The following CELF3 variants were observed in gnomAD, a reference collection of about 807,000 sequenced individuals.
The protein encoded by CELF3 is CAG repeat domain.
In CELF3, 26 loss-of-function variants were observed where a neutral mutation model predicts 59.6. That is an observed-to-expected ratio of 0.44 (90% CI 0.32 to 0.61). The LOEUF (loss-of-function observed/expected upper bound fraction) is 0.61. CELF3 is among the 20% of genes least tolerant of loss of function. CELF3 has a pLI of 0.06. For missense variants in CELF3, 387 were observed against 627.2 expected (o/e 0.62, Z 4.09); for synonymous variants, 245 against 250.7 (o/e 0.98, Z 0.22).
At chr1:151,708,724 C>T (rs922679076) in intron 5 of CELF3, among the ~76,000 whole-genome samples, 8 of 131,254 alleles carry the variant, frequency 6.1e-5, no homozygotes, top group Admixed American at 8.3e-5. Context: ...GGAGAAGAGA[C>T]GGGGGTGAAG....
chr1:151,703,197 G>C lies in CELF3; in HGVS notation c.*262C>G. 2.2e-6 allele frequency: 1 copy of C among 459,404 alleles called. No homozygotes were observed. 28.5% of individuals were successfully genotyped at this position (459,404 alleles called of 1,614,324 possible). ...AAGGCAGATACCCCGGAGCCTTCGA[G>C]CCTGTTCCTCGCTCCCTCACAAAGG... On this transcript the variant is annotated 3_prime_UTR_variant, in exon 13 of 13. Coordinates refer to ENST00000290583, the MANE Select transcript of CELF3 (RefSeq NM_007185.7).
Position 151,707,860 on chromosome 1 carries a change from C to A in CELF3, c.562G>T (p.Ala188Ser). The A allele has an allele frequency of 6.2e-7, 1 of 1,613,926 alleles. No individual in the cohort carries two copies. Among genetic ancestry groups the A allele is most frequent in the South Asian group, 1.1e-5 (1 of 91,066 alleles). ...GGGCTGAACATGCCCAACTGGGTGGCCACCTGCTGCATGCGGCGGAGACCT... is the reference window on the plus strand; with the variant it reads ...GGGCTGAACATGCCCAACTGGGTGGACACCTGCTGCATGCGGCGGAGACCT... ...ERGLRRMQQV[A>S]TQLGMFSPIA... Residue 188 changes from alanine (A) to serine (S), a missense_variant, in exon 6 of 13, where the codon GCC becomes TCC. Physicochemically the swap from Ala to Ser is moderately conservative, Grantham distance 99. Around this residue, in one of 3 missense-constraint regions of CELF3, gnomAD observed 208 missense variants for 354.8 expected, o/e 0.59. Transcript: ENST00000290583.
At chr1:151,703,646 A>G (rs1410088617) in intron 12 of CELF3, among the ~76,000 whole-genome samples, 198 bp from the exon 13 acceptor site, 1 of 152,060 alleles carries the variant, frequency 6.6e-6, no homozygotes, top group Non-Finnish European at 1.5e-5. Flanking sequence ...TAGAGGAGAC[A>G]GGAGGGAGGG....
At position 151,701,342 on chromosome 1, in the gene CELF3, A is replaced by T. The variant is rs189207685; in HGVS notation, c.*2117T>A. Among the ~76,000 whole-genome samples, 5 of 152,306 alleles carry T rather than the reference A, an allele frequency of 3.3e-5. No individual in the cohort carries two copies. In the East Asian group the frequency reaches 7.7e-4, roughly 24 times the overall value. On this transcript the variant is annotated 3_prime_UTR_variant, in exon 13 of 13. Transcript: ENST00000290583. ...TGAAGTCAAAGAAGACACCTGTGTG[A>T]TCCTGAGCCTGCCCTAAAGCAGCTC...
chr1:151,714,776 C>A, intron 1 of CELF3, 100 bp from the exon 2 acceptor site: 1 of 843,988 alleles, frequency 1.2e-6, no homozygotes, highest in Non-Finnish European at 1.9e-6. Flanking sequence ...GGGAAGCTTT[C>A]CCTTCTTGTC....
At chr1:151,714,280 A>G in intron 2 of CELF3, 1 of 568,982 alleles carries the variant, frequency 1.8e-6, no homozygotes, top group Non-Finnish European at 3.1e-6. Flanking sequence ...GTGTCCAGAG[A>G]CTTTTCCCCA....
At chr1:151,711,101 G>A (rs1220432821) in intron 2 of CELF3, 1 of 330,930 alleles carries the variant, frequency 3.0e-6, no homozygotes, top group Non-Finnish European at 6.0e-6. Flanking sequence ...CTGGATTTGA[G>A]GACTAGCCCT....
At chr1:151,713,534 T>G (rs1437276865) in intron 2 of CELF3, 1 of 152,184 alleles carries the variant, frequency 6.6e-6, no homozygotes. Flanking sequence ...TGTTGATTTG[T>G]GAGGGGCCTC....
intron 8 of CELF3, 43 bp from the exon 9 acceptor site, chr1:151,706,777 A>C: frequency 6.9e-7 from 1 of 1,457,758 alleles, no homozygotes; most frequent in Non-Finnish European, 9.3e-7. Flanking sequence ...CCTGGCACAC[A>C]GTGGGGGCCC....
Position 151,709,526 on chromosome 1 carries a change from C to CT in CELF3, c.278-179dup, listed in dbSNP as rs1303342161. 1.0e-6 allele frequency: 1 copy of CT among 991,992 alleles called. No homozygotes were observed. 61.4% of individuals were successfully genotyped at this position (991,992 alleles called of 1,614,324 possible). A position where few individuals can be genotyped will look rare whatever the true frequency, so the allele number is the denominator to read the frequency against. On this transcript the variant is annotated intron_variant, in intron 3 of 12. Coordinates refer to ENST00000290583, the MANE Select transcript of CELF3 (RefSeq NM_007185.7). This position sits in a 1 kb window ranked among gnomAD's most constrained non-coding sequence, Gnocchi z 4.9. ...GTTGCAGAGGGTGCTCATCCCAGCT[C>CT]TGAGGGACTCGCACTCCACCCTGGG...
In CELF3 at chr1:151,707,889, T is replaced by C; in HGVS notation, c.533A>G (p.Glu178Gly). Residue 178 changes from glutamate (E) to glycine (G), a missense_variant, in exon 6 of 13, where the codon GAG (glutamate) becomes GGG (glycine). Glu to Gly is a moderately conservative substitution (Grantham distance 98). This residue lies in a region of CELF3 where 208 missense variants were observed against 354.8 expected (regional missense o/e 0.59). Transcript: ENST00000290583. Reference sequence around the variant, plus strand: ...CTGCTGCATGCGGCGGAGACCTCGCTCCTTCTCAGTGTCAGCAAACTTCAC... The same window carrying C: ...CTGCTGCATGCGGCGGAGACCTCGCCCCTTCTCAGTGTCAGCAAACTTCAC... ...LVVKFADTEK[E>G]RGLRRMQQVA... The C allele has an allele frequency of 6.2e-7, 1 of 1,613,798 alleles. No individual in the cohort carries two copies. Among genetic ancestry groups the C allele is most frequent in the Non-Finnish European group, 8.5e-7 (1 of 1,179,818 alleles).
intron 2 of CELF3, 120 bp downstream of exon 2, chr1:151,714,474 G>T: frequency 1.3e-6 from 1 of 755,216 alleles, no homozygotes; most frequent in African/African-American, 1.7e-5. Context: ...CAGAGAGAGA[G>T]GGGGACTTCC....
rs1210088745 is a variant in CELF3, at chr1:151,700,727, AATCTT to A, written c.*2727_*2731del. 6.6e-6 allele frequency among the ~76,000 whole-genome samples: 1 copy of A among 152,226 alleles called. No individual in the cohort carries two copies. The highest frequency in any genetic ancestry group is 3.2e-3 in the Middle Eastern group (1 of 316). On this transcript the variant is annotated 3_prime_UTR_variant, in exon 13 of 13. Transcript: ENST00000290583. ...GATATGAGAAAGTTTGTGGAAGTGA[AATCTT>A]AAATGATTTAATACCATTGAGTTTA...
At position 151,705,354 on chromosome 1, in the gene CELF3, C is replaced by T. The variant is rs1189537058; in HGVS notation, c.1271-186G>A. Among the ~76,000 whole-genome samples, 12 of 152,202 alleles carry T rather than the reference C, an allele frequency of 7.9e-5. No individual in the cohort carries two copies. Among genetic ancestry groups the T allele is most frequent in the Non-Finnish European group, 1.6e-4 (11 of 68,032 alleles). On this transcript the variant is annotated intron_variant, in intron 11 of 12. Transcript: ENST00000290583. The surrounding 1 kb of genome is among the most constrained non-coding windows in gnomAD (Gnocchi z 5.1). ...ATGGATGAATCCAGTCCAGCCACTC[C>T]AACTACCACATTCTTCCCAGCATTC...
At position 151,702,586 on chromosome 1, in the gene CELF3, T is replaced by C. The variant is rs1672159916; in HGVS notation, c.*873A>G. The C allele has an allele frequency of 9.3e-6, 1 of 107,362 alleles. No individual in the cohort carries two copies. Among genetic ancestry groups the C allele is most frequent in the African/African-American group, 3.8e-5 (1 of 26,484 alleles). 6.7% of individuals were successfully genotyped at this position (107,362 alleles called of 1,614,324 possible). ...CCTCTTCCTAAAGAAAATGATCAGG[T>C]AATAAACCCCTTGACCCCTCCCCAC... is the stretch of plus-strand genomic sequence containing the variant. On this transcript the variant is annotated 3_prime_UTR_variant, in exon 13 of 13. Transcript: ENST00000290583.
chr1:151,715,855 T>G lies in CELF3; in HGVS notation c.145+21A>C, dbSNP rs746905068. On this transcript the variant is annotated intron_variant, in intron 1 of 12. Coordinates refer to ENST00000290583, the MANE Select transcript of CELF3 (RefSeq NM_007185.7). ...CCTCCCAGCCCACCCCGAAGCCTCT[T>G]CAGCCTGCCCGACCCCTCACCCTTG... is the stretch of plus-strand genomic sequence containing the variant. 5.0e-6 allele frequency: 8 copies of G among 1,606,470 alleles called. No individual in the cohort carries two copies. The South Asian group carries it at 8.9e-5, about 18-fold the overall frequency.
intron 9 of CELF3, 58 bp downstream of exon 9, chr1:151,706,611 C>A (rs1407347822): frequency 1.3e-6 from 2 of 1,506,618 alleles, no homozygotes; most frequent in Non-Finnish European, 1.8e-6. Flanking sequence ...GTTACTGGGC[C>A]TCTTTTCCTC....
intron 2 of CELF3, chr1:151,710,049 G>A (rs2101461668): frequency 3.8e-6 from 2 of 524,268 alleles, no homozygotes; most frequent in East Asian, 3.3e-5. Flanking sequence ...CTTGGCCAGG[G>A]ATGGGTGCTG....
At chr1:151,704,109 C>T (rs1025494003) in intron 12 of CELF3, among the ~76,000 whole-genome samples, 1 of 152,128 alleles carries the variant, frequency 6.6e-6, no homozygotes, top group African/African-American at 2.4e-5. Context: ...AAAGACAACA[C>T]GCTCGTTCCA....
Sources: allele counts gnomAD v4.1 joint callset (sites outside exome capture counted in the v4.1 genomes callset), GRCh38; gene constraint gnomAD v4.1.1; regional missense constraint gnomAD v4.1.1; non-coding constraint Gnocchi (gnomAD v3.1); transcripts MANE v1.5; gene names NCBI Gene and HGNC (gene_info 2026-07-23, HGNC 2026-07-21).